The following CDKL3 variants were observed in gnomAD, a reference collection of about 807,000 sequenced individuals.
CDKL3 encodes cyclin dependent kinase like 3.
CDKL3 carries 65 observed loss-of-function variants against 69.3 expected under a neutral mutation model. The ratio of observed to expected loss-of-function variants is 0.94; its 90% CI spans 0.77 to 1.15. The LOEUF (loss-of-function observed/expected upper bound fraction) is 1.15. CDKL3 is among the 50% of genes most tolerant of loss of function. The pLI, the probability that CDKL3 is intolerant of heterozygous loss-of-function variation, is 0.00. For synonymous variants in CDKL3, 202 were observed against 221.6 expected (o/e 0.91, Z 0.79); for missense variants, 652 against 689.2 (o/e 0.95, Z 0.61).
chr5:134,349,028 T>C (rs1407060102), intron 4 of CDKL3, among the ~76,000 whole-genome samples: 1 of 152,192 alleles, frequency 6.6e-6, no homozygotes, highest in African/African-American at 2.4e-5. Flanking sequence ...GGTTCAGTTC[T>C]GCTATTAAGC....
At chr5:134,289,840 C>T (rs1765044212) in intron 8 of CDKL3, among the ~76,000 whole-genome samples, 1 of 152,150 alleles carries the variant, frequency 6.6e-6, no homozygotes, top group African/African-American at 2.4e-5. Flanking sequence ...ATACAAAGTA[C>T]TGTTATCCAG....
At chr5:134,343,020 C>A (rs756823178) in intron 4 of CDKL3, among the ~76,000 whole-genome samples, 2 of 152,072 alleles carry the variant, frequency 1.3e-5, no homozygotes. Flanking sequence ...GCCGGGCCAA[C>A]GTGGTGAAAT....
At chr5:134,357,438 C>CAAAAT (rs71581394) in intron 3 of CDKL3, among the ~76,000 whole-genome samples, 7,060 of 148,584 alleles carry the variant, frequency 0.048, 225 homozygotes, top group African/African-American at 0.063. Flanking sequence ...GACTCTGTCT[C>CAAAAT]AAAATAAAAT....
At chr5:134,356,076 A>G (rs573899652) in intron 3 of CDKL3, among the ~76,000 whole-genome samples, 1 of 152,194 alleles carries the variant, frequency 6.6e-6, no homozygotes, top group African/African-American at 2.4e-5. Flanking sequence ...ATCATTATAC[A>G]ACTTACCATA....
intron 11 of CDKL3, among the ~76,000 whole-genome samples, chr5:134,303,465 G>A (rs1766866148): frequency 6.6e-6 from 1 of 152,076 alleles, no homozygotes; most frequent in South Asian, 2.1e-4. Flanking sequence ...AAGAAACATA[G>A]AAAGGCAATT....
intron 6 of CDKL3, among the ~76,000 whole-genome samples, chr5:134,318,076 A>G (rs113367959): frequency 0.15 from 23,484 of 151,736 alleles, 2,331 homozygotes; most frequent in African/African-American, 0.28. Context: ...AAAATTAGCC[A>G]GGTGTGGTGG....
At chr5:134,352,302 T>A (rs1257062682) in intron 3 of CDKL3, among the ~76,000 whole-genome samples, 1 of 102,362 alleles carries the variant, frequency 9.8e-6, no homozygotes, top group Admixed American at 1.1e-4. Flanking sequence ...CTTAGGTTGA[T>A]TTTTTTTTTT....
intron 7 of CDKL3, among the ~76,000 whole-genome samples, chr5:134,309,149 A>G (rs149059411): frequency 9.1e-4 from 139 of 152,248 alleles, no homozygotes; most frequent in African/African-American, 3.2e-3. Context: ...GCAATGGCAC[A>G]ATCTCATCTC....
chr5:134,294,935 TGAG>T (rs1026348177), downstream of CDKL3, among the ~76,000 whole-genome samples: 7 of 151,410 alleles, frequency 4.6e-5, no homozygotes, highest in Non-Finnish European at 7.4e-5. Flanking sequence ...TATAAAATAT[TGAG>T]GAGGAAAATT....
chr5:134,355,611 C>T (rs1201436532), intron 3 of CDKL3, among the ~76,000 whole-genome samples: 1 of 152,148 alleles, frequency 6.6e-6, no homozygotes, highest in Non-Finnish European at 1.5e-5. Context: ...TTATAAACAG[C>T]AATTAAAGTT....
At position 134,312,272 on chromosome 5, in the gene CDKL3, C is replaced by A. The variant is rs868361902; in HGVS notation, c.881+20G>T. 1 of 1,435,420 alleles carries A rather than the reference C, an allele frequency of 7.0e-7. No homozygotes were observed. Among genetic ancestry groups the A allele is most frequent in the Middle Eastern group, 1.8e-4 (1 of 5,458 alleles). 88.9% of individuals were successfully genotyped at this position (1,435,420 alleles called of 1,614,324 possible). A position where few individuals can be genotyped will look rare whatever the true frequency, so the allele number is the denominator to read the frequency against. On this transcript the variant is annotated intron_variant, in intron 7 of 12. Coordinates refer to ENST00000265334, the MANE Select transcript of CDKL3 (RefSeq NM_001113575.2). The stretch of plus-strand genomic sequence containing the variant: ...ATACAAAATGCTTTTAAAAAACCCA[C>A]ATTCACTCAAAATGCTTACTTTTCA...
chr5:134,345,826 G>A (rs1182822307), intron 4 of CDKL3, among the ~76,000 whole-genome samples: 1 of 152,154 alleles, frequency 6.6e-6, no homozygotes, highest in Non-Finnish European at 1.5e-5. Flanking sequence ...GGTCACAGGG[G>A]ATATGATGGC....
At position 134,308,322 on chromosome 5, in the gene CDKL3, T is replaced by C. The variant is rs200641689; in HGVS notation, c.1180A>G (p.Met394Val). 4.9e-5 allele frequency: 79 copies of C among 1,613,978 alleles called. No individual in the cohort carries two copies. The highest frequency in any genetic ancestry group is 1.0e-4 in the Admixed American group (6 of 60,016). The change falls in exon 9 of 13, where the codon ATG (methionine) becomes GTG (valine). Residue 394 changes from methionine (M) to valine (V), a missense_variant. Physicochemically the swap from Met to Val is conservative, Grantham distance 21. Coordinates refer to ENST00000265334, the MANE Select transcript of CDKL3 (RefSeq NM_001113575.2). ...QQDANENVHP[M>V]SPDTKLVTIE... ...GTTACAAGTTTTGTATCTGGAGACA[T>C]AGGATGAACATTTTCATTTGCATCC... is the stretch of plus-strand genomic sequence containing the variant.
chr5:134,322,527 T>C (rs886979713), intron 4 of CDKL3, among the ~76,000 whole-genome samples: 2 of 152,218 alleles, frequency 1.3e-5, no homozygotes, highest in African/African-American at 4.8e-5. Flanking sequence ...TATCCTAAGA[T>C]ATACTCACAT....
intron 8 of CDKL3, among the ~76,000 whole-genome samples, chr5:134,290,058 G>A (rs940292800): frequency 2.6e-5 from 4 of 151,978 alleles, no homozygotes; most frequent in Admixed American, 2.0e-4. Context: ...TGAACAAGAC[G>A]TTAAAACTTT....
chr5:134,360,159 T>G, intron 2 of CDKL3, 68 bp from the exon 3 acceptor site: 1 of 1,042,298 alleles, frequency 9.6e-7, no homozygotes, highest in Non-Finnish European at 1.4e-6. Flanking sequence ...ATATAACGTG[T>G]AAATTTTGTA....
chr5:134,302,608 T>C lies in CDKL3; in HGVS notation c.1701A>G (p.Gln567=). The C allele has an allele frequency of 1.3e-6, 2 of 1,585,536 alleles. No homozygotes were observed. The highest frequency in any genetic ancestry group is 2.3e-5 in the East Asian group (1 of 44,320). The part of the protein sequence containing the change: ...SKIPTLLNVD[Q]NQEKQEGGDG... ...GAGTTACCTCTTGTTTTTCTTGATT[T>C]TGATCCACGTTAAGTAAAGTTGGTA... Residue 567 remains glutamine (Q), a synonymous_variant, in exon 12 of 13, where the codon CAA becomes CAG. Transcript: ENST00000265334.
chr5:134,366,670 G>A (rs1757512727), intron 1 of CDKL3, 126 bp from the exon 2 acceptor site: 4 of 684,894 alleles, frequency 5.8e-6, no homozygotes, highest in Non-Finnish European at 9.0e-6. Context: ...AAAAAAAAAA[G>A]GAATCTTTTC....
intron 5 of CDKL3, among the ~76,000 whole-genome samples, chr5:134,320,056 G>C (rs949213127): frequency 1.3e-5 from 2 of 151,986 alleles, no homozygotes; most frequent in Non-Finnish European, 2.9e-5. Context: ...TCTTGTGCTT[G>C]GTTTTCTCAT....
Sources: gnomAD v4.1 joint callset for allele counts (sites outside exome capture counted in the v4.1 genomes callset) on GRCh38, gnomAD v4.1.1 for gene constraint, MANE v1.5 for transcripts, NCBI Gene and HGNC (gene_info 2026-07-23, HGNC 2026-07-21) for gene names.